The following MAP2K5 variants were observed in gnomAD, a reference collection of about 807,000 sequenced individuals.
MAP2K5 encodes the protein mitogen-activated protein kinase kinase 5, also known as dual specificity mitogen-activated protein kinase kinase 5.
A neutral mutation model predicts 83.1 loss-of-function variants in MAP2K5; 49 were observed. That is an observed-to-expected ratio of 0.59 (90% CI 0.47 to 0.75). MAP2K5 has a LOEUF of 0.75. Ranked by LOEUF, MAP2K5 falls within the 30% of genes least tolerant of loss-of-function variation. MAP2K5 has a pLI of 0.00. For missense variants in MAP2K5, 457 were observed against 557.5 expected (o/e 0.82, Z 1.82); for synonymous variants, 202 against 191.8 (o/e 1.05, Z -0.44).
At chr15:67,629,041 G>A in intron 8 of MAP2K5, 1 of 749,792 alleles carries the variant, frequency 1.3e-6, no homozygotes, top group Non-Finnish European at 2.4e-6. Flanking sequence ...GGCCCCTATG[G>A]TGGTGGAGGC....
Position 67,790,204 on chromosome 15 carries a change from G to A in MAP2K5, c.1243-16442G>A, listed in dbSNP as rs1314716354. On this transcript the variant is annotated intron_variant, in intron 21 of 21. Transcript: ENST00000178640. This position sits in a 1 kb window ranked among gnomAD's most constrained non-coding sequence, Gnocchi z 4.6. ...TCAGGAATATTTATTTTTTCTATTT[G>A]TTTTAAGCCTGGGAAGACTGTGTGG... 1.3e-5 allele frequency among the ~76,000 whole-genome samples: 2 copies of A among 152,100 alleles called. No homozygotes were observed. Among genetic ancestry groups the A allele is most frequent in the Non-Finnish European group, 2.9e-5 (2 of 68,014 alleles).
chr15:67,721,106 A>G (rs991421570), intron 16 of MAP2K5, among the ~76,000 whole-genome samples: 1 of 152,102 alleles, frequency 6.6e-6, no homozygotes, highest in Non-Finnish European at 1.5e-5. Flanking sequence ...TTATTTTTTT[A>G]AAAACGTACT....
chr15:67,792,855 G>A (rs769467293), intron 21 of MAP2K5, among the ~76,000 whole-genome samples: 3 of 152,128 alleles, frequency 2.0e-5, no homozygotes, highest in Admixed American at 1.3e-4. Context: ...TCAGAGGATC[G>A]GCAAGCTTGT....
chr15:67,725,990 G>C (rs1430441623), intron 16 of MAP2K5, among the ~76,000 whole-genome samples: 1 of 151,606 alleles, frequency 6.6e-6, no homozygotes, highest in East Asian at 1.9e-4. Flanking sequence ...AACTTCGAAA[G>C]GGAGTTTGGC....
intron 21 of MAP2K5, among the ~76,000 whole-genome samples, chr15:67,796,209 TTCTC>T (rs1414060775): frequency 6.6e-6 from 1 of 152,238 alleles, no homozygotes; most frequent in Non-Finnish European, 1.5e-5. Flanking sequence ...ATTTTGTACT[TTCTC>T]TCTACTTTTT....
intron 8 of MAP2K5, among the ~76,000 whole-genome samples, chr15:67,626,915 AATTG>A (rs1306428134): frequency 6.6e-6 from 1 of 152,022 alleles, no homozygotes; most frequent in East Asian, 1.9e-4. Flanking sequence ...AGAAAATAAT[AATTG>A]ATTAAGTTTT....
chr15:67,679,597 T>C (rs1443691838), intron 13 of MAP2K5: 2 of 152,162 alleles, frequency 1.3e-5, no homozygotes, highest in Non-Finnish European at 2.9e-5. Flanking sequence ...GTAATTGCGG[T>C]TTATCAGGCC....
At chr15:67,569,373 C>T (rs909542495) in intron 3 of MAP2K5, among the ~76,000 whole-genome samples, 6 of 152,192 alleles carry the variant, frequency 3.9e-5, no homozygotes, top group Middle Eastern at 3.4e-3. Flanking sequence ...GGTGGAGAAA[C>T]GGTGAAAAGA....
At chr15:67,741,245 C>T (rs999373058) in intron 17 of MAP2K5, among the ~76,000 whole-genome samples, 1 of 152,134 alleles carries the variant, frequency 6.6e-6, no homozygotes, top group East Asian at 1.9e-4. Flanking sequence ...CTGGGTTCTT[C>T]AGGCAGCTTT....
chr15:67,643,378 T>TTA (rs1267562940), intron 9 of MAP2K5, among the ~76,000 whole-genome samples: 2 of 152,236 alleles, frequency 1.3e-5, no homozygotes, highest in Admixed American at 1.3e-4. Context: ...AGTGTTTAAA[T>TTA]GTTTCTTGGC....
intron 16 of MAP2K5, 45 bp downstream of exon 16, chr15:67,703,453 T>G: frequency 7.0e-7 from 1 of 1,427,912 alleles, no homozygotes; most frequent in Non-Finnish European, 9.8e-7. Flanking sequence ...TCTGTACTAA[T>G]ATATTCAATC....
At chr15:67,582,055 A>ATTTTTTTTTTTTTTTTTTTTTTTTT (rs1233297576) in intron 4 of MAP2K5, among the ~76,000 whole-genome samples, 2 of 134,866 alleles carry the variant, frequency 1.5e-5, no homozygotes. Context: ...GATGTAGATG[A>ATTTTTTTTTTTTTTTTTTTTTTTTT]TTTCTTTTTT....
rs2090495492 is a variant in MAP2K5, at chr15:67,790,404, T to G, written c.1243-16242T>G. On this transcript the variant is annotated intron_variant, in intron 21 of 21. Coordinates refer to ENST00000178640, the MANE Select transcript of MAP2K5 (RefSeq NM_145160.3). The surrounding 1 kb of genome is among the most constrained non-coding windows in gnomAD (Gnocchi z 4.6). The stretch of plus-strand genomic sequence containing the variant: ...GCGCCCAAGGTCCCATTGCATTATA[T>G]CATGCAATAAAAATACCCTTTTCAT... Among the ~76,000 whole-genome samples the G allele has an allele frequency of 6.6e-6, 1 of 152,218 alleles. No individual in the cohort carries two copies. Among genetic ancestry groups the G allele is most frequent in the African/African-American group, 2.4e-5 (1 of 41,446 alleles).
rs1307023364 is a variant in MAP2K5, at chr15:67,779,653, A to G, written c.1242+6901A>G. 6.6e-6 allele frequency among the ~76,000 whole-genome samples: 1 copy of G among 152,258 alleles called. No homozygotes were observed. Among genetic ancestry groups the G allele is most frequent in the Non-Finnish European group, 1.5e-5 (1 of 68,050 alleles). ...CATCAGTCAAGTCAGATCTCTTAGT[A>G]TGATGATGACTTGCCTGTTTAAGAT... On this transcript the variant is annotated intron_variant, in intron 21 of 21. Coordinates refer to ENST00000178640, the MANE Select transcript of MAP2K5 (RefSeq NM_145160.3). The surrounding 1 kb of genome is among the most constrained non-coding windows in gnomAD (Gnocchi z 4.6).
Position 67,543,112 on chromosome 15 carries a change from C to T in MAP2K5, c.-224C>T, listed in dbSNP as rs2084326489. On this transcript the variant is annotated 5_prime_UTR_variant, in exon 1 of 22. Coordinates refer to ENST00000178640, the MANE Select transcript of MAP2K5 (RefSeq NM_145160.3). The surrounding 1 kb of genome is among the most constrained non-coding windows in gnomAD (Gnocchi z 4.3). The stretch of plus-strand genomic sequence containing the variant: ...GGCCTTTGCCCGCTTCCCGGTGCAC[C>T]CTCCCCGGGAGACACCTCAGACCCC... 5.3e-6 allele frequency: 3 copies of T among 570,914 alleles called. No homozygotes were observed. The highest frequency in any genetic ancestry group is 3.1e-5 in the Admixed American group (1 of 32,664). 35.4% of individuals were successfully genotyped at this position (570,914 alleles called of 1,614,324 possible).
In MAP2K5 at chr15:67,750,252, A is replaced by G. The variant is rs1261959315; in HGVS notation, c.1134+1651A>G. 1.3e-5 allele frequency among the ~76,000 whole-genome samples: 2 copies of G among 152,248 alleles called. No homozygotes were observed. The highest frequency in any genetic ancestry group is 4.8e-5 in the African/African-American group (2 of 41,462). Reference sequence around the variant, plus strand: ...CTTTCTTAGTCAAGAGAAAAATGTAACTTAGACATATATTCCTGTTTACTC... The same window carrying G: ...CTTTCTTAGTCAAGAGAAAAATGTAGCTTAGACATATATTCCTGTTTACTC... On this transcript the variant is annotated intron_variant, in intron 19 of 21. Coordinates refer to ENST00000178640, the MANE Select transcript of MAP2K5 (RefSeq NM_145160.3). The surrounding 1 kb of genome is among the most constrained non-coding windows in gnomAD (Gnocchi z 4.2).
Position 67,782,309 on chromosome 15 carries a change from A to G in MAP2K5, c.1242+9557A>G, listed in dbSNP as rs1037301312. ...TCGGGAGATTAGGGCCCCAGGGACA[A>G]TGAGAGATAAACAACTGCAATTAAG... On this transcript the variant is annotated intron_variant, in intron 21 of 21. Coordinates refer to ENST00000178640, the MANE Select transcript of MAP2K5 (RefSeq NM_145160.3). The surrounding 1 kb of genome is among the most constrained non-coding windows in gnomAD (Gnocchi z 4.9). Among the ~76,000 whole-genome samples the G allele has an allele frequency of 1.3e-5, 2 of 152,266 alleles. No homozygotes were observed. Among genetic ancestry groups the G allele is most frequent in the African/African-American group, 4.8e-5 (2 of 41,470 alleles).
intron 16 of MAP2K5, among the ~76,000 whole-genome samples, chr15:67,709,486 A>G (rs1346075380): frequency 1.3e-5 from 2 of 151,790 alleles, no homozygotes; most frequent in African/African-American, 4.8e-5. Context: ...GGCAAAAAAA[A>G]AAAAAAAACT....
chr15:67,673,839 C>T (rs976825537), intron 13 of MAP2K5, among the ~76,000 whole-genome samples: 1 of 151,790 alleles, frequency 6.6e-6, no homozygotes, highest in African/African-American at 2.4e-5. Context: ...TCTGGAGGAT[C>T]AGTTTTTGTT....
Sources: gnomAD v4.1 joint callset for allele counts (sites outside exome capture counted in the v4.1 genomes callset) on GRCh38, gnomAD v4.1.1 for gene constraint, Gnocchi (gnomAD v3.1) non-coding constraint, MANE v1.5 for transcripts, NCBI Gene and HGNC (gene_info 2026-07-23, HGNC 2026-07-21) for gene names.